Variants in ARHGAP22 observed in about 807,000 individuals in gnomAD.
ARHGAP22 encodes the protein Rho GTPase activating protein 22, also known as rho GTPase-activating protein 22.
A neutral mutation model predicts 59.1 loss-of-function variants in ARHGAP22; 48 were observed. That is an observed-to-expected ratio of 0.81 (90% CI 0.64 to 1.03). The LOEUF is 1.03. ARHGAP22 is among the 50% of genes least tolerant of loss of function. The pLI, the probability that ARHGAP22 is intolerant of heterozygous loss-of-function variation, is 0.00. For missense variants in ARHGAP22, 1,015 were observed against 958.7 expected (o/e 1.06, Z -0.78); for synonymous variants, 445 against 416.4 (o/e 1.07, Z -0.84).
chr10:48,440,754 G>A, the ARHGAP22 span, among the ~76,000 whole-genome samples: 5 of 152,086 alleles, frequency 3.3e-5, no homozygotes, highest in African/African-American at 7.2e-5. Flanking sequence ...TTCTGAGGCG[G>A]AAAAAAAGTA....
chr10:48,506,018 C>T (rs777875680), intron 3 of ARHGAP22, among the ~76,000 whole-genome samples: 9 of 152,124 alleles, frequency 5.9e-5, no homozygotes, highest in Admixed American at 1.3e-4. Context: ...TTTGATTTGG[C>T]CACCACGTAT....
At chr10:48,516,465 C>T (rs184595630) in intron 3 of ARHGAP22, among the ~76,000 whole-genome samples, 1 of 152,168 alleles carries the variant, frequency 6.6e-6, no homozygotes, top group Non-Finnish European at 1.5e-5. Flanking sequence ...AGGTTTGAAG[C>T]TGCAGTGAGC....
At chr10:48,522,617 T>A (rs190333933) in intron 3 of ARHGAP22, among the ~76,000 whole-genome samples, 9 of 152,342 alleles carry the variant, frequency 5.9e-5, no homozygotes, top group African/African-American at 2.2e-4. Context: ...GGCTCTGACC[T>A]GCCCTCGGGG....
chr10:48,476,892 C>G (rs10857578), intron 4 of ARHGAP22, among the ~76,000 whole-genome samples: 24,058 of 152,200 alleles, frequency 0.16, 2,788 homozygotes, highest in East Asian at 0.63. Context: ...GCCAGAACAT[C>G]CACCTCCACT....
chr10:48,601,881 T>G (rs2060404487), intron 1 of ARHGAP22, among the ~76,000 whole-genome samples: 1 of 152,212 alleles, frequency 6.6e-6, no homozygotes, highest in Non-Finnish European at 1.5e-5. Context: ...CTTAAAAATA[T>G]CATTGCATTT....
chr10:48,476,811 C>T (rs2048796808), intron 4 of ARHGAP22, among the ~76,000 whole-genome samples: 1 of 152,174 alleles, frequency 6.6e-6, no homozygotes, highest in African/African-American at 2.4e-5. Context: ...GGGAGCCAGG[C>T]CTGCTGGGTG....
chr10:48,600,138 A>C lies in ARHGAP22; in HGVS notation c.34+4625T>G, dbSNP rs1314623480. 2.0e-5 allele frequency among the ~76,000 whole-genome samples: 3 copies of C among 152,224 alleles called. 1 individual carries two copies. Among genetic ancestry groups the C allele is most frequent in the Non-Finnish European group, 4.4e-5 (3 of 68,040 alleles). ...GTAAAGATTAAAATAGGACATTTGC[A>C]TGTAATGGAAGGTCCAGCTTGCATC... is the stretch of plus-strand genomic sequence containing the variant. On this transcript the variant is annotated intron_variant, in intron 1 of 9. Coordinates refer to ENST00000249601, the MANE Select transcript of ARHGAP22 (RefSeq NM_021226.4).
rs779934730 is a variant in ARHGAP22 at position 48,450,925 on chromosome 10, C to A, written c.1204G>T (p.Ala402Ser). ...GTGGGGGCTGTTCTGGAGAGCACCG[C>A]CACGGCCGCCCCGTCCAGGGAAGAG... is the stretch of plus-strand genomic sequence containing the variant. ...RTSSLDGAAV[A>S]VLSRTAPTGP... is the part of the protein sequence containing the mutation. The change falls in exon 9 of 10, where the codon GCG becomes TCG. Residue 402 changes from alanine to serine, a missense_variant. Coordinates refer to ENST00000249601, the MANE Select transcript of ARHGAP22 (RefSeq NM_021226.4). 2 of 1,592,306 alleles carry A rather than the reference C, an allele frequency of 1.3e-6. No individual in the cohort carries two copies. The highest frequency in any genetic ancestry group is 2.3e-5 in the South Asian group (2 of 87,700).
intron 4 of ARHGAP22, among the ~76,000 whole-genome samples, chr10:48,467,366 C>G (rs187004516): frequency 1.3e-5 from 2 of 152,144 alleles, no homozygotes; most frequent in East Asian, 3.9e-4. Flanking sequence ...ATGGGTACAC[C>G]AGGAAGGCAG....
At chr10:48,474,560 T>G (rs753255852) in intron 4 of ARHGAP22, among the ~76,000 whole-genome samples, 1 of 152,122 alleles carries the variant, frequency 6.6e-6, no homozygotes, top group Non-Finnish European at 1.5e-5. Flanking sequence ...AAGTATGTTA[T>G]TATCAGTGGG....
intron 8 of ARHGAP22, among the ~76,000 whole-genome samples, chr10:48,452,836 C>T (rs2046115069): frequency 6.6e-6 from 1 of 151,884 alleles, no homozygotes; most frequent in African/African-American, 2.4e-5. Context: ...TTGGTAGAAG[C>T]TTACTGAAAG....
intron 3 of ARHGAP22, among the ~76,000 whole-genome samples, chr10:48,539,744 G>T (rs1564842495): frequency 6.6e-6 from 1 of 152,120 alleles, no homozygotes; most frequent in Non-Finnish European, 1.5e-5. Flanking sequence ...ATCAGTGTTG[G>T]TATTTTAGCA....
At chr10:48,645,414 C>T (rs1316429200) in intron 1 of ARHGAP22, among the ~76,000 whole-genome samples, 1 of 152,302 alleles carries the variant, frequency 6.6e-6, no homozygotes, top group Non-Finnish European at 1.5e-5. Flanking sequence ...AAGGATTATA[C>T]ACCATGAATC....
chr10:48,558,655 C>T (rs2057479769), intron 2 of ARHGAP22, among the ~76,000 whole-genome samples: 1 of 152,184 alleles, frequency 6.6e-6, no homozygotes, highest in South Asian at 2.1e-4. Context: ...GTGTGAGTCA[C>T]ACCACCCAGC....
At chr10:48,470,150 A>G (rs2048097076) in intron 4 of ARHGAP22, among the ~76,000 whole-genome samples, 1 of 152,250 alleles carries the variant, frequency 6.6e-6, no homozygotes, top group Non-Finnish European at 1.5e-5. Flanking sequence ...TCTGAGGTCT[A>G]TTGAAGCCAG....
chr10:48,542,918 T>C (rs573783663), intron 3 of ARHGAP22, among the ~76,000 whole-genome samples: 164 of 152,196 alleles, frequency 1.1e-3, no homozygotes, highest in African/African-American at 3.7e-3. Flanking sequence ...GAAGGCTCCA[T>C]AGGAGAGCTG....
At chr10:48,600,386 C>T (rs2060311301) in intron 1 of ARHGAP22, among the ~76,000 whole-genome samples, 1 of 152,122 alleles carries the variant, frequency 6.6e-6, no homozygotes, top group Admixed American at 6.5e-5. Flanking sequence ...TGGGAAGACA[C>T]AGGAGAAAAC....
intron 2 of ARHGAP22, among the ~76,000 whole-genome samples, chr10:48,559,331 T>C (rs2135372830): frequency 6.6e-6 from 1 of 152,260 alleles, no homozygotes; most frequent in South Asian, 2.1e-4. Flanking sequence ...TCCGAGCTCA[T>C]GTTAATTTGC....
At chr10:48,572,363 C>A (rs2058450825) in intron 2 of ARHGAP22, among the ~76,000 whole-genome samples, 2 of 152,220 alleles carry the variant, frequency 1.3e-5, no homozygotes, top group Non-Finnish European at 2.9e-5. Context: ...CCCTGGTCCA[C>A]AAGTCACAAC....
Sources: gnomAD v4.1 joint callset for allele counts (sites outside exome capture counted in the v4.1 genomes callset) on GRCh38, gnomAD v4.1.1 for gene constraint, MANE v1.5 for transcripts, NCBI Gene and HGNC (gene_info 2026-07-23, HGNC 2026-07-21) for gene names.